Variants in CTNNA2 observed in about 807,000 individuals in gnomAD.
CTNNA2 encodes the protein catenin alpha 2, also known as catenin alpha-2.
In CTNNA2, 42 loss-of-function variants were observed where a neutral mutation model predicts 101.0. The observed-to-expected ratio is 0.42, with a 90% CI of 0.32 to 0.54. The LOEUF (loss-of-function observed/expected upper bound fraction) is 0.54. Among genes scored for constraint, CTNNA2 ranks in the 20% least tolerant of loss-of-function variants. The pLI is 0.14. For missense variants in CTNNA2, 871 were observed against 1,223.1 expected, an observed-to-expected ratio of 0.71 and a Z score of 4.29; for synonymous variants, 450 against 456.4, an observed-to-expected ratio of 0.99 and a Z score of 0.18.
intron 3 of CTNNA2, among the ~76,000 whole-genome samples, chr2:79,759,859 T>C (rs555762641): frequency 6.6e-6 from 1 of 152,308 alleles, no homozygotes; most frequent in African/African-American, 2.4e-5. Context: ...TTTTTCCAAT[T>C]CAGAAATGGG....
chr2:79,371,174 CT>C (rs953318542), intron 3 of CTNNA2, among the ~76,000 whole-genome samples: 10 of 151,928 alleles, frequency 6.6e-5, no homozygotes, highest in African/African-American at 1.9e-4. Context: ...TCTCTTGGGA[CT>C]TTTATTAGAC....
At chr2:79,266,825 CAT>C (rs964643345) in intron 2 of CTNNA2, among the ~76,000 whole-genome samples, 1 of 152,006 alleles carries the variant, frequency 6.6e-6, no homozygotes, top group Non-Finnish European at 1.5e-5. Context: ...AGGAAGAAAA[CAT>C]AGGCTTAGGG....
At chr2:79,884,595 A>C (rs2104148518) in intron 6 of CTNNA2, among the ~76,000 whole-genome samples, 1 of 152,290 alleles carries the variant, frequency 6.6e-6, no homozygotes, top group East Asian at 1.9e-4. Context: ...TCTGCACTTG[A>C]GGAATAAGAC....
At position 79,856,526 on chromosome 2, in the gene CTNNA2, C is replaced by G. The variant is rs188808856; in HGVS notation, c.299-1487C>G. The stretch of plus-strand genomic sequence containing the variant: ...AAAAATCTGTCATATTAACTGTACT[C>G]TTCAAGTTTATTGAAGCTTTTATAC... On this transcript the variant is annotated intron_variant, in intron 3 of 18. Transcript: ENST00000402739. Among the ~76,000 whole-genome samples, 60 of 152,264 alleles carry G rather than the reference C, an allele frequency of 3.9e-4. 1 individual carries two copies. The East Asian group carries it at 9.3e-3, about 24-fold the overall frequency.
intron 2 of CTNNA2, among the ~76,000 whole-genome samples, chr2:79,264,078 C>A (rs570486961): frequency 6.6e-6 from 1 of 152,148 alleles, no homozygotes; most frequent in African/African-American, 2.4e-5. Flanking sequence ...GTGAGTGGAA[C>A]AATGTTTGTT....
intron 1 of CTNNA2, among the ~76,000 whole-genome samples, chr2:79,587,043 C>T (rs1676540995): frequency 6.6e-6 from 1 of 152,112 alleles, no homozygotes; most frequent in Admixed American, 6.6e-5. Flanking sequence ...TGTATATATA[C>T]CACATTTTCT....
chr2:80,573,560 T>TCC (rs1694786376), intron 12 of CTNNA2, among the ~76,000 whole-genome samples: 1 of 152,030 alleles, frequency 6.6e-6, no homozygotes, highest in Non-Finnish European at 1.5e-5. Context: ...ATGTCTCAAG[T>TCC]CCAGCATTTC....
At chr2:79,406,336 G>C (rs1678341553) in intron 4 of CTNNA2, among the ~76,000 whole-genome samples, 1 of 150,350 alleles carries the variant, frequency 6.7e-6, no homozygotes, top group Non-Finnish European at 1.5e-5. Flanking sequence ...CATGTAGGAG[G>C]ACCACAACTC....
intron 11 of CTNNA2, among the ~76,000 whole-genome samples, chr2:80,552,215 A>G (rs1053981964): frequency 2.0e-5 from 3 of 152,212 alleles, no homozygotes; most frequent in African/African-American, 7.2e-5. Flanking sequence ...AAATATTGCA[A>G]CAATTGCAAA....
At chr2:80,608,065 A>C in intron 16 of CTNNA2, 119 bp from the exon 17 acceptor site, 1 of 890,104 alleles carries the variant, frequency 1.1e-6, no homozygotes, top group East Asian at 2.6e-5. Flanking sequence ...AAGTTAAGTT[A>C]AATGAATGTA....
intron 7 of CTNNA2, among the ~76,000 whole-genome samples, chr2:80,192,614 C>T (rs947912435): frequency 6.6e-6 from 1 of 152,098 alleles, no homozygotes. Context: ...GCAACCTCTG[C>T]CTCATGGGTT....
At chr2:80,561,008 CTG>C (rs35644807) in intron 12 of CTNNA2, among the ~76,000 whole-genome samples, 30,984 of 152,014 alleles carry the variant, frequency 0.2, 3,252 homozygotes, top group Middle Eastern at 0.24. Flanking sequence ...AGACCAATTT[CTG>C]TGTATCAATG....
chr2:80,096,635 G>T (rs1700170809), intron 7 of CTNNA2, among the ~76,000 whole-genome samples: 1 of 152,268 alleles, frequency 6.6e-6, no homozygotes, highest in South Asian at 2.1e-4. Flanking sequence ...TATTGTGTGG[G>T]AGTCTAAGTC....
At chr2:80,366,037 T>C (rs1204090936) in intron 7 of CTNNA2, among the ~76,000 whole-genome samples, 1 of 152,120 alleles carries the variant, frequency 6.6e-6, no homozygotes, top group Non-Finnish European at 1.5e-5. Flanking sequence ...TCACTTACCT[T>C]AATGATAGGG....
At chr2:80,330,512 T>A (rs1671223063) in intron 7 of CTNNA2, among the ~76,000 whole-genome samples, 1 of 149,624 alleles carries the variant, frequency 6.7e-6, no homozygotes, top group Admixed American at 6.6e-5. Context: ...TTTTTTTTTT[T>A]GCAATTGAAA....
intron 15 of CTNNA2, among the ~76,000 whole-genome samples, chr2:80,598,441 CAT>C (rs1697177086): frequency 1.3e-5 from 2 of 151,716 alleles, no homozygotes; most frequent in South Asian, 4.1e-4. Context: ...ATTCTGCACA[CAT>C]AGCGTAGAAC....
intron 9 of CTNNA2, among the ~76,000 whole-genome samples, chr2:80,511,356 GCTAC>G (rs1688688473): frequency 1.3e-5 from 2 of 152,278 alleles, no homozygotes; most frequent in East Asian, 3.9e-4. Context: ...CAACTGTGAG[GCTAC>G]CTCTAGGTAC....
intron 7 of CTNNA2, among the ~76,000 whole-genome samples, chr2:79,972,080 C>T (rs928651065): frequency 5.3e-5 from 8 of 152,176 alleles, no homozygotes; most frequent in African/African-American, 1.4e-4. Flanking sequence ...CAGCAGATCA[C>T]GGGGCCAACC....
At chr2:79,212,932 A>C (rs1238437872) in intron 2 of CTNNA2, among the ~76,000 whole-genome samples, 2 of 152,200 alleles carry the variant, frequency 1.3e-5, no homozygotes, top group Non-Finnish European at 2.9e-5. Context: ...CCTTGAGGAT[A>C]GATTTCCATG....
Sources: allele counts gnomAD v4.1 joint callset (sites outside exome capture counted in the v4.1 genomes callset), GRCh38; gene constraint gnomAD v4.1.1; transcripts MANE v1.5; gene names NCBI Gene and HGNC (gene_info 2026-07-23, HGNC 2026-07-21).